CHD1: variants seen among roughly 807,000 people sequenced by gnomAD.
The protein encoded by CHD1 is chromodomain helicase DNA binding protein 1, also known as ATP-dependent chromatin remodeler CHD1.
CHD1 carries 36 observed loss-of-function variants against 224.2 expected under a neutral mutation model. The observed-to-expected ratio is 0.16, with a 90% CI of 0.12 to 0.21. CHD1 has a LOEUF of 0.21. CHD1 is among the 10% of genes least tolerant of loss of function. CHD1 has a pLI of 1.00. For missense variants in CHD1, 1,378 were observed against 1,994.8 expected (o/e 0.69, Z 5.89); for synonymous variants, 668 against 658.3 (o/e 1.01, Z -0.23).
At chr5:98,879,343 A>C (rs2164986) in intron 23 of CHD1, among the ~76,000 whole-genome samples, 9,948 of 152,254 alleles carry the variant, frequency 0.065, 334 homozygotes, top group African/African-American at 0.088. Flanking sequence ...CACACACACA[A>C]AAATCAATGA....
intron 15 of CHD1, among the ~76,000 whole-genome samples, chr5:98,892,082 G>A (rs1410161007): frequency 6.6e-6 from 1 of 152,084 alleles, no homozygotes; most frequent in African/African-American, 2.4e-5. Flanking sequence ...CTGATTCTTT[G>A]AAAAGTCCTA....
chr5:98,906,969 G>A (rs1171833049), intron 2 of CHD1, among the ~76,000 whole-genome samples: 3 of 152,098 alleles, frequency 2.0e-5, no homozygotes, highest in Non-Finnish European at 4.4e-5. Flanking sequence ...CACACAGATG[G>A]GTGCTCAATA....
At chr5:98,891,120 C>G (rs1327336532) in intron 15 of CHD1, among the ~76,000 whole-genome samples, 1 of 152,152 alleles carries the variant, frequency 6.6e-6, no homozygotes, top group African/African-American at 2.4e-5. Context: ...GTCACCCAGG[C>G]TGGAGTGCAG....
intron 2 of CHD1, among the ~76,000 whole-genome samples, chr5:98,917,671 T>C (rs1025568065): frequency 6.6e-6 from 1 of 152,232 alleles, no homozygotes; most frequent in African/African-American, 2.4e-5. Context: ...TTCTGAGAGA[T>C]ACTGTAGACA....
chr5:98,918,181 C>G (rs1338380218), intron 2 of CHD1, among the ~76,000 whole-genome samples: 1 of 151,826 alleles, frequency 6.6e-6, no homozygotes, highest in East Asian at 2.0e-4. Context: ...CCTCAGCCTC[C>G]CGAGTAGCTG....
intron 19 of CHD1, among the ~76,000 whole-genome samples, chr5:98,882,670 T>C (rs760071758): frequency 1.6e-4 from 25 of 152,196 alleles, no homozygotes; most frequent in Non-Finnish European, 3.2e-4. Context: ...TTTAAGGGTA[T>C]GTTGTTACAA....
chr5:98,889,006 T>C (rs912465809), intron 16 of CHD1, 70 bp downstream of exon 16: 2 of 1,096,406 alleles, frequency 1.8e-6, no homozygotes, highest in African/African-American at 3.1e-5. Flanking sequence ...CATTGAGCCA[T>C]TTTCGATTGT....
chr5:98,868,004 T>C (rs1481663561), intron 31 of CHD1, among the ~76,000 whole-genome samples: 1 of 151,798 alleles, frequency 6.6e-6, no homozygotes, highest in African/African-American at 2.4e-5. Context: ...TGTCACCATG[T>C]TGGCCAGGTT....
chr5:98,869,226 CTCTT>C (rs1749131141), intron 30 of CHD1: 3 of 984,158 alleles, frequency 3.0e-6, no homozygotes, highest in Non-Finnish European at 3.6e-6. Flanking sequence ...TCTTCACTGT[CTCTT>C]TCTGTTTTAA....
chr5:98,866,921 A>G (rs545605096), intron 31 of CHD1, among the ~76,000 whole-genome samples: 1 of 152,096 alleles, frequency 6.6e-6, no homozygotes, highest in African/African-American at 2.4e-5. Context: ...TCTCACTCTT[A>G]TCTGCTTCAC....
intron 3 of CHD1, among the ~76,000 whole-genome samples, 157 bp from the exon 4 acceptor site, chr5:98,904,065 T>G (rs1013864991): frequency 1.3e-5 from 2 of 152,220 alleles, no homozygotes; most frequent in African/African-American, 4.8e-5. Flanking sequence ...TGCAATATAG[T>G]TAAATAAAAT....
chr5:98,858,818 T>C lies in CHD1; in HGVS notation c.4576+146A>G, dbSNP rs1748241529. ...CATTTTACATAATAATGTAGGTATG[T>C]ATCAGAATTACTGTATCTCCTTAAT... On this transcript the variant is annotated intron_variant, in intron 34 of 35. Transcript: ENST00000614616. 1.0e-5 allele frequency: 5 copies of C among 488,054 alleles called. No homozygotes were observed. The East Asian group carries it at 1.7e-4, about 16-fold the overall frequency. The allele number at this position is 488,054 out of a possible 1,614,324, so 30.2% of individuals were successfully genotyped here.
chr5:98,921,316 C>A (rs78552478), intron 2 of CHD1, among the ~76,000 whole-genome samples: 243 of 152,290 alleles, frequency 1.6e-3, no homozygotes, highest in African/African-American at 5.3e-3. Context: ...TGGAGGTTCG[C>A]AGAGAATGAA....
chr5:98,911,094 T>C lies in CHD1; in HGVS notation c.54-5996A>G, dbSNP rs112785442. ...GGCTCTAAGGCTGCAATAGGGAAGA[T>C]ACAAGATGAGTCTAACAACCTTCCT... On this transcript the variant is annotated intron_variant, in intron 2 of 35. Coordinates refer to ENST00000614616, the MANE Select transcript of CHD1 (RefSeq NM_001270.4). 8.9e-3 allele frequency among the ~76,000 whole-genome samples: 1,027 copies of C among 115,018 alleles called. 14 individuals are homozygous for C. In the Middle Eastern group the frequency reaches 0.12, roughly 13 times the overall value. The allele number at this position is 115,018 out of a possible 152,430, so 75.5% of individuals were successfully genotyped here. A position where few individuals can be genotyped will look rare whatever the true frequency, so the allele number is the denominator to read the frequency against.
At chr5:98,925,761 G>A (rs545269940) in intron 2 of CHD1, among the ~76,000 whole-genome samples, 14 of 151,862 alleles carry the variant, frequency 9.2e-5, no homozygotes, top group Non-Finnish European at 1.9e-4. Flanking sequence ...GCTCAGCACT[G>A]TCTAAAACTT....
At chr5:98,883,852 TATATATA>T (rs1561507643) in intron 18 of CHD1, 3 of 34,426 alleles carry the variant, frequency 8.7e-5, no homozygotes, top group African/African-American at 3.7e-4. Context: ...TATATATATA[TATATATA>T]TATTTTTTTT....
chr5:98,911,834 G>A (rs1242225111), intron 2 of CHD1, among the ~76,000 whole-genome samples: 1 of 152,130 alleles, frequency 6.6e-6, no homozygotes, highest in African/African-American at 2.4e-5. Context: ...CAAAGAAAGA[G>A]GAACTGTCCA....
intron 35 of CHD1, 66 bp downstream of exon 35, chr5:98,858,114 C>T: frequency 5.5e-6 from 7 of 1,271,988 alleles, no homozygotes; most frequent in Non-Finnish European, 7.9e-6. Flanking sequence ...AGGTCAAATA[C>T]AGGAACATCA....
intron 2 of CHD1, among the ~76,000 whole-genome samples, chr5:98,907,562 T>C (rs1580490050): frequency 1.7e-5 from 2 of 117,108 alleles, no homozygotes; most frequent in African/African-American, 7.1e-5. Flanking sequence ...CACTCCAGCC[T>C]GGGCAACAAG....
Sources: allele counts gnomAD v4.1 joint callset (sites outside exome capture counted in the v4.1 genomes callset), GRCh38; gene constraint gnomAD v4.1.1; transcripts MANE v1.5; gene names NCBI Gene and HGNC (gene_info 2026-07-23, HGNC 2026-07-21).